TBCE: variants seen among roughly 807,000 people sequenced by gnomAD.
TBCE encodes the protein tubulin folding cofactor E, also known as tubulin-specific chaperone E.
Under a neutral mutation model 77.0 loss-of-function variants are expected in TBCE, and 53 were observed. The observed-to-expected ratio is 0.69, with a 90% CI of 0.55 to 0.87. The LOEUF (loss-of-function observed/expected upper bound fraction) is 0.87, where lower values mean the gene tolerates loss of function less well. Ranked by LOEUF, TBCE falls within the 40% of genes least tolerant of loss-of-function variation. The probability of loss-of-function intolerance (pLI) is 0.00; values close to 1 mark genes in which losing one functional copy is unlikely to be tolerated. For missense variants in TBCE, 624 were observed against 622.4 expected, an observed-to-expected ratio of 1.00 and a Z score of -0.03; for synonymous variants, 235 against 241.3, an observed-to-expected ratio of 0.97 and a Z score of 0.24.
At position 235,436,395 on chromosome 1, in the gene TBCE, A is replaced by G. The variant is rs190849182; in HGVS notation, c.843A>G (p.Gln281=). Residue 281 remains glutamine, a synonymous_variant, in exon 10 of 17, where the codon CAA becomes CAG. Coordinates refer to ENST00000642610, the MANE Select transcript of TBCE (RefSeq NM_003193.5). Reference sequence around the variant, plus strand: ...ACATTTTGAATTTCAGGTTAGAACAATTAATCCTCTCTGACACTGGAATTT... The same window carrying G: ...ACATTTTGAATTTCAGGTTAGAACAGTTAATCCTCTCTGACACTGGAATTT... The part of the protein sequence containing the change: ...YLIAHLPRLE[Q]LILSDTGISS... 67 of 1,613,930 alleles carry G rather than the reference A, an allele frequency of 4.2e-5. 1 individual carries two copies. The Admixed American group carries it at 8.2e-4, about 20-fold the overall frequency.
rs371500222 is a variant in TBCE at position 235,419,576 on chromosome 1, G to T, written c.460+15G>T. ...AGCATGTCCTAGTATCCTTTTCACC[G>T]AGAGCTTGTTATTGGAATCTGACTA... On this transcript the variant is annotated intron_variant, in intron 5 of 16. Coordinates refer to ENST00000642610, the MANE Select transcript of TBCE (RefSeq NM_003193.5). 4.0e-5 allele frequency: 64 copies of T among 1,613,748 alleles called. No homozygotes were observed. Among genetic ancestry groups the T allele is most frequent in the African/African-American group, 6.7e-5 (5 of 74,870 alleles).
chr1:235,427,554 T>C (rs531931892), intron 6 of TBCE, among the ~76,000 whole-genome samples: 1 of 152,290 alleles, frequency 6.6e-6, no homozygotes, highest in Non-Finnish European at 1.5e-5. Context: ...TTCCCTTCTC[T>C]TTTCCAGCCA....
At chr1:235,399,628 G>A (rs1558360807) in intron 2 of TBCE, among the ~76,000 whole-genome samples, 1 of 152,146 alleles carries the variant, frequency 6.6e-6, no homozygotes. Flanking sequence ...CCTGTACCTC[G>A]CCTTAGCACA....
chr1:235,402,627 G>C (rs1188463781), intron 3 of TBCE, among the ~76,000 whole-genome samples: 1 of 151,914 alleles, frequency 6.6e-6, no homozygotes, highest in Admixed American at 6.6e-5. Flanking sequence ...TTGTTTGTTT[G>C]GTTGGTTTAT....
rs770208119 is a variant in TBCE at position 235,438,941 on chromosome 1, G to A, written c.1270+19G>A. On this transcript the variant is annotated intron_variant, in intron 13 of 16. Transcript: ENST00000642610. ...TGCCTGAGTACGTGCGTATACACTG[G>A]TGGCCTTCAGGTGGTGGATTTCCAG... The A allele has an allele frequency of 6.2e-7, 1 of 1,614,148 alleles. No homozygotes were observed. Among genetic ancestry groups the A allele is most frequent in the South Asian group, 1.1e-5 (1 of 91,066 alleles).
intron 6 of TBCE, chr1:235,429,462 T>C (rs1680961350): frequency 6.6e-6 from 1 of 152,076 alleles, no homozygotes; most frequent in Non-Finnish European, 1.5e-5. Context: ...AGATGGAAGG[T>C]TGGGGGAGGT....
chr1:235,371,096 G>GCC (rs1183012468), intron 1 of TBCE, among the ~76,000 whole-genome samples: 1 of 116,934 alleles, frequency 8.6e-6, no homozygotes, highest in African/African-American at 3.3e-5. Flanking sequence ...TGCTCTTGCT[G>GCC]CCCAGGCTAG....
chr1:235,394,418 C>CTTTTTT lies in TBCE; in HGVS notation c.101-7065_101-7060dup, dbSNP rs386370043. On this transcript the variant is annotated intron_variant, in intron 2 of 16. Transcript: ENST00000642610. ...GACATTTGATAATTTTTGATAATTT[C>CTTTTTT]TTTTTTTTTTTTTTTTTTTTTTTTT... Among the ~76,000 whole-genome samples, 111 of 72,314 alleles carry CTTTTTT rather than the reference C, an allele frequency of 1.5e-3. 7 individuals are homozygous for CTTTTTT. The highest frequency in any genetic ancestry group is 1.8e-3 in the Non-Finnish European group (75 of 41,682). The allele number at this position is 72,314 out of a possible 152,430, so 47.4% of individuals were successfully genotyped here.
At chr1:235,427,334 A>C (rs1680782731) in intron 6 of TBCE, 95 bp downstream of exon 6, 1 of 947,656 alleles carries the variant, frequency 1.1e-6, no homozygotes, top group Non-Finnish European at 1.7e-6. Flanking sequence ...AGGGAGCCGG[A>C]AGGGTTAAGG....
At chr1:235,439,316 C>G (rs1477678187) in intron 13 of TBCE, among the ~76,000 whole-genome samples, 1 of 138,654 alleles carries the variant, frequency 7.2e-6, no homozygotes, top group Non-Finnish European at 1.5e-5. Context: ...ACGGTGAAAC[C>G]CCGTCCCTAC....
At chr1:235,433,309 C>A in intron 7 of TBCE, 1 of 501,946 alleles carries the variant, frequency 2.0e-6, no homozygotes, top group Non-Finnish European at 2.9e-6. Context: ...CAACCTCTGC[C>A]TCCTGGGCCA....
Position 235,435,990 on chromosome 1 carries a change from G to C in TBCE, c.833+150G>C, listed in dbSNP as rs548834503. The C allele has an allele frequency of 4.8e-4, 355 of 746,212 alleles. 4 individuals are homozygous for C. In the South Asian group the frequency reaches 5.8e-3, roughly 12 times the overall value. The allele number at this position is 746,212 out of a possible 1,614,324, so 46.2% of individuals were successfully genotyped here. On this transcript the variant is annotated intron_variant, in intron 9 of 16. Coordinates refer to ENST00000642610, the MANE Select transcript of TBCE (RefSeq NM_003193.5). ...AATTCCCTTTGGGAAATTTTCATTT[G>C]AATTCATTTAGAAAATTTACTTGTG... is the stretch of plus-strand genomic sequence containing the variant.
chr1:235,384,062 T>C (rs1188407659), intron 2 of TBCE, among the ~76,000 whole-genome samples: 2 of 150,952 alleles, frequency 1.3e-5, no homozygotes, highest in African/African-American at 2.4e-5. Flanking sequence ...TTTCTGCATC[T>C]ATTGAGATAA....
chr1:235,378,876 G>T (rs1295145635), intron 1 of TBCE, among the ~76,000 whole-genome samples: 1 of 152,038 alleles, frequency 6.6e-6, no homozygotes, highest in East Asian at 1.9e-4. Flanking sequence ...AAGAAAAAAA[G>T]AAAGTGAGTT....
intron 7 of TBCE, among the ~76,000 whole-genome samples, chr1:235,432,573 A>G (rs1376195139): frequency 6.6e-6 from 1 of 152,142 alleles, no homozygotes. Context: ...TGAGCCCAGG[A>G]GTTTGAGGCT....
chr1:235,436,137 C>T (rs888638031), intron 9 of TBCE: 4 of 600,750 alleles, frequency 6.7e-6, no homozygotes, highest in Non-Finnish European at 1.2e-5. Context: ...TGTCTCTTTC[C>T]TCTGAGACGC....
intron 1 of TBCE, among the ~76,000 whole-genome samples, chr1:235,375,609 C>T (rs1186197468): frequency 6.6e-6 from 1 of 152,096 alleles, no homozygotes; most frequent in Non-Finnish European, 1.5e-5. Context: ...TGGTTACTAG[C>T]TAGAAGAAGA....
At chr1:235,440,400 A>G (rs533202501) in intron 13 of TBCE, among the ~76,000 whole-genome samples, 1 of 151,422 alleles carries the variant, frequency 6.6e-6, no homozygotes, top group Non-Finnish European at 1.5e-5. Context: ...GTATATATAT[A>G]TATTTTTTTG....
At chr1:235,416,531 A>G (rs531592325) in intron 4 of TBCE, among the ~76,000 whole-genome samples, 1 of 98,758 alleles carries the variant, frequency 1.0e-5, no homozygotes, top group East Asian at 3.0e-4. Context: ...GTCTCAAATG[A>G]CACACAAACC....
Sources: allele counts gnomAD v4.1 joint callset (sites outside exome capture counted in the v4.1 genomes callset), GRCh38; gene constraint gnomAD v4.1.1; transcripts MANE v1.5; gene names NCBI Gene and HGNC (gene_info 2026-07-23, HGNC 2026-07-21).